CACNA1I: variants seen among roughly 807,000 people sequenced by gnomAD.
CACNA1I encodes the protein voltage-dependent T-type calcium channel subunit alpha-1I.
In CACNA1I, 74 loss-of-function variants were observed where a neutral mutation model predicts 201.6. The observed-to-expected ratio is 0.37, with a 90% CI of 0.30 to 0.45. CACNA1I has a LOEUF of 0.45. Among genes scored for constraint, CACNA1I ranks in the 20% least tolerant of loss-of-function variants. The pLI is 1.00. For missense variants in CACNA1I, 2,346 were observed against 3,138.1 expected (o/e 0.75, Z 6.03); for synonymous variants, 1,431 against 1,345.2 (o/e 1.06, Z -1.40).
Position 39,648,743 on chromosome 22 carries a change from A to G in CACNA1I, c.1568-758A>G, listed in dbSNP as rs1229029736. ...TCTAGGAATATATAGGAAAACACAA[A>G]GAAGGCATTAAACCAAGCAGAGAGA... On this transcript the variant is annotated intron_variant, in intron 9 of 36. Transcript: ENST00000402142. This position sits in a 1 kb window ranked among gnomAD's most constrained non-coding sequence, Gnocchi z 5.4. Among the ~76,000 whole-genome samples the G allele has an allele frequency of 1.3e-5, 2 of 152,120 alleles. No individual in the cohort carries two copies. The highest frequency in any genetic ancestry group is 4.8e-5 in the African/African-American group (2 of 41,424).
At chr22:39,679,690 CG>C in intron 32 of CACNA1I, 31 bp from the exon 33 acceptor site, 1 of 1,588,596 alleles carries the variant, frequency 6.3e-7, no homozygotes, top group Non-Finnish European at 8.6e-7. Flanking sequence ...CTGATAATCC[CG>C]CCTGTCCCCA....
At chr22:39,578,591 T>C (rs1445793594) in intron 1 of CACNA1I, among the ~76,000 whole-genome samples, 3 of 151,954 alleles carry the variant, frequency 2.0e-5, no homozygotes, top group African/African-American at 7.2e-5. Context: ...GGGCTCCCCC[T>C]CTCCTCCCCA....
chr22:39,602,733 CT>C lies in CACNA1I; in HGVS notation c.482+2081del, dbSNP rs67981245. Among the ~76,000 whole-genome samples, 28 of 152,272 alleles carry C rather than the reference CT, an allele frequency of 1.8e-4. 1 individual carries two copies. The highest frequency in any genetic ancestry group is 6.7e-4 in the African/African-American group (28 of 41,544). ...TATTGCAGGTGAGTCCAGTACAGAT[CT>C]GGTTCCTCTTTCTCGGAAGATGACC... is the stretch of plus-strand genomic sequence containing the variant. On this transcript the variant is annotated intron_variant, in intron 3 of 36. Transcript: ENST00000402142.
rs1460489877 is a variant in CACNA1I, at chr22:39,684,511, C to T, written c.6027+13C>T. 1 of 1,609,730 alleles carries T rather than the reference C, an allele frequency of 6.2e-7. No individual in the cohort carries two copies. The highest frequency in any genetic ancestry group is 8.5e-7 in the Non-Finnish European group (1 of 1,178,230). ...CCTCCTCCGGCAGGTACCGACACCTCCCAGGCCCTAGAGCACTGGTCTGTG... is the reference window on the plus strand; with the variant it reads ...CCTCCTCCGGCAGGTACCGACACCTTCCAGGCCCTAGAGCACTGGTCTGTG... On this transcript the variant is annotated intron_variant, in intron 36 of 36. Coordinates refer to ENST00000402142, the MANE Select transcript of CACNA1I (RefSeq NM_021096.4). This position sits in a 1 kb window ranked among gnomAD's most constrained non-coding sequence, Gnocchi z 4.6.
chr22:39,663,302 G>A (rs1935085375), intron 18 of CACNA1I, among the ~76,000 whole-genome samples: 1 of 152,230 alleles, frequency 6.6e-6, no homozygotes, highest in South Asian at 2.1e-4. Flanking sequence ...CTTCCTGGAG[G>A]AGGAGGCCTT....
In CACNA1I at chr22:39,662,794, C is replaced by T. The variant is rs1422369650; in HGVS notation, c.3391C>T (p.Arg1131Cys). Residue 1131 changes from arginine (R) to cysteine (C), a missense_variant, in exon 18 of 37, where the codon CGC becomes TGC. Coordinates refer to ENST00000402142, the MANE Select transcript of CACNA1I (RefSeq NM_021096.4). ...TTGCTAGACCCTGTGCTTCCGCGTCCGCAAGATGATCGACGTCTATAAGCC... is the reference window on the plus strand; with the variant it reads ...TTGCTAGACCCTGTGCTTCCGCGTCTGCAAGATGATCGACGTCTATAAGCC... Reference protein sequence around the residue: ...EIDYTLCFRVRKMIDVYKPDW... With the variant: ...EIDYTLCFRVCKMIDVYKPDW... The T allele has an allele frequency of 1.3e-6, 2 of 1,593,900 alleles. No individual in the cohort carries two copies. Among genetic ancestry groups the T allele is most frequent in the African/African-American group, 1.3e-5 (1 of 74,552 alleles).
intron 28 of CACNA1I, among the ~76,000 whole-genome samples, chr22:39,673,348 T>C (rs1935429309): frequency 6.6e-6 from 1 of 152,080 alleles, no homozygotes; most frequent in Non-Finnish European, 1.5e-5. Context: ...CCCACTTCCT[T>C]ATGACGCCAT....
chr22:39,661,877 A>T, intron 16 of CACNA1I, 88 bp from the exon 17 acceptor site: 1 of 833,832 alleles, frequency 1.2e-6, no homozygotes, highest in Non-Finnish European at 1.8e-6. Flanking sequence ...TTAGAGCCAC[A>T]GCGGGGGTGC....
chr22:39,633,179 C>T (rs1461293446), intron 4 of CACNA1I, among the ~76,000 whole-genome samples: 1 of 152,152 alleles, frequency 6.6e-6, no homozygotes, highest in Non-Finnish European at 1.5e-5. Flanking sequence ...TGACTTATCA[C>T]ATCATTCATT....
intron 1 of CACNA1I, among the ~76,000 whole-genome samples, chr22:39,592,438 T>G (rs1569051314): frequency 6.6e-6 from 1 of 152,160 alleles, no homozygotes; most frequent in East Asian, 1.9e-4. Flanking sequence ...TGGGACAGAT[T>G]TCTGCCCCTG....
At chr22:39,664,683 G>A (rs1455190346) in intron 20 of CACNA1I, 56 bp from the exon 21 acceptor site, 20 of 260,854 alleles carry the variant, frequency 7.7e-5, no homozygotes, top group Middle Eastern at 2.2e-3. Context: ...GGTTGGCCCC[G>A]CCCACCTGCC....
At chr22:39,663,669 A>G (rs754943288) in intron 18 of CACNA1I, 49 bp from the exon 19 acceptor site, 30 of 1,608,638 alleles carry the variant, frequency 1.9e-5, no homozygotes, top group Middle Eastern at 3.3e-4. Flanking sequence ...CCTTCTGGCC[A>G]GGGTGGGAGG....
Position 39,684,046 on chromosome 22 carries a change from T to G in CACNA1I, c.5831-256T>G, listed in dbSNP as rs1935780490. Among the ~76,000 whole-genome samples the G allele has an allele frequency of 6.6e-6, 1 of 152,150 alleles. No individual in the cohort carries two copies. Among genetic ancestry groups the G allele is most frequent in the South Asian group, 2.1e-4 (1 of 4,826 alleles). On this transcript the variant is annotated intron_variant, in intron 35 of 36. Transcript: ENST00000402142. This position sits in a 1 kb window ranked among gnomAD's most constrained non-coding sequence, Gnocchi z 4.6. ...GAGCTAGGCTTGAGCCCGCGTCTGC[T>G]TGCCTCCAAAAGCTGTGTCTTTGCC...
chr22:39,608,816 T>C (rs1933298465), intron 3 of CACNA1I, among the ~76,000 whole-genome samples: 1 of 151,266 alleles, frequency 6.6e-6, no homozygotes, highest in Non-Finnish European at 1.5e-5. Context: ...TGAGATCCTG[T>C]CTCAAAAAAA....
At chr22:39,633,831 G>A (rs1214684622) in intron 4 of CACNA1I, among the ~76,000 whole-genome samples, 1 of 152,218 alleles carries the variant, frequency 6.6e-6, no homozygotes, top group Non-Finnish European at 1.5e-5. Flanking sequence ...GGCCTTCTCT[G>A]TAGAGCCCGT....
chr22:39,646,416 T>C (rs1483431610), intron 7 of CACNA1I, among the ~76,000 whole-genome samples, 153 bp from the exon 8 acceptor site: 1 of 151,990 alleles, frequency 6.6e-6, no homozygotes, highest in Non-Finnish European at 1.5e-5. Flanking sequence ...TTTCTGCCTC[T>C]GTACCGCCAT....
chr22:39,643,488 C>G (rs1934399347), intron 7 of CACNA1I: 1 of 153,102 alleles, frequency 6.5e-6, no homozygotes, highest in Admixed American at 6.5e-5. Flanking sequence ...GCTCATCCAC[C>G]TCGTCATGCC....
chr22:39,667,187 C>T (rs1935224528), intron 23 of CACNA1I, among the ~76,000 whole-genome samples: 1 of 152,198 alleles, frequency 6.6e-6, no homozygotes, highest in South Asian at 2.1e-4. Context: ...GATGGCAGGT[C>T]CTTGGAATGT....
intron 27 of CACNA1I, 134 bp from the exon 28 acceptor site, chr22:39,672,815 G>C: frequency 3.3e-6 from 3 of 902,202 alleles, no homozygotes; most frequent in Non-Finnish European, 3.3e-6. Context: ...GGGCTAGTAA[G>C]GGAGGGCAGC....
Sources: allele counts gnomAD v4.1 joint callset (sites outside exome capture counted in the v4.1 genomes callset), GRCh38; gene constraint gnomAD v4.1.1; non-coding constraint Gnocchi (gnomAD v3.1); transcripts MANE v1.5; gene names NCBI Gene and HGNC (gene_info 2026-07-23, HGNC 2026-07-21).